Variants in SETD4 observed in about 807,000 individuals in gnomAD.
SETD4 encodes the protein SET domain-containing protein 4.
SETD4 carries 46 observed loss-of-function variants against 58.3 expected under a neutral mutation model. That is an observed-to-expected ratio of 0.79 (90% CI 0.62 to 1.01). The LOEUF is 1.01. SETD4 is among the 50% of genes least tolerant of loss of function. The pLI, the probability that SETD4 is intolerant of heterozygous loss-of-function variation, is 0.00. For missense variants in SETD4, 490 were observed against 523.3 expected (o/e 0.94, Z 0.62); for synonymous variants, 190 against 202.6 (o/e 0.94, Z 0.53).
At position 36,036,193 on chromosome 21, in the gene SETD4, G is replaced by C. The variant is rs76492178; in HGVS notation, c.1247C>G (p.Ser416Cys). The C allele has an allele frequency of 8.8e-3, 14,264 of 1,613,660 alleles. 91 individuals carry two copies. Among genetic ancestry groups the C allele is most frequent in the Non-Finnish European group, 0.01 (12,184 of 1,179,904 alleles). ...AATCTTTAGCTCTTCCGTCCACAAGGATTCCACCAAAGTTAGTTGGTTTAT... is the reference window on the plus strand; with the variant it reads ...AATCTTTAGCTCTTCCGTCCACAAGCATTCCACCAAAGTTAGTTGGTTTAT... Reference protein sequence around the residue: ...ALINQLTLVESLWTEELKILR... With the variant: ...ALINQLTLVECLWTEELKILR... Residue 416 changes from serine to cysteine, a missense_variant, in exon 11 of 12, where the codon TCC becomes TGC. Coordinates refer to ENST00000332131, the MANE Select transcript of SETD4 (RefSeq NM_017438.5).
intron 1 of SETD4, chr21:36,059,765 A>T: frequency 2.0e-6 from 2 of 985,478 alleles, no homozygotes; most frequent in Non-Finnish European, 2.4e-6. Flanking sequence ...AGCAAGAGAC[A>T]AGAACTCCAG....
rs376112681 is a variant in SETD4 at position 36,052,548 on chromosome 21, ACT to A, written c.207+1033_207+1034del. On this transcript the variant is annotated intron_variant, in intron 4 of 11. Coordinates refer to ENST00000332131, the MANE Select transcript of SETD4 (RefSeq NM_017438.5). The stretch of plus-strand genomic sequence containing the variant: ...ACTCCAGCCTGGGCAACAGAGCAAG[ACT>A]CTGTCTCAAAAAAAAAAAAAAAAAA... Among the ~76,000 whole-genome samples the A allele has an allele frequency of 3.8e-3, 542 of 142,696 alleles. 4 individuals carry two copies. Among genetic ancestry groups the A allele is most frequent in the African/African-American group, 0.013 (506 of 38,512 alleles). 93.6% of individuals were successfully genotyped at this position (142,696 alleles called of 152,430 possible).
At chr21:36,057,342 G>A (rs746135360) in intron 2 of SETD4, 138 bp from the exon 3 acceptor site, 2 of 769,648 alleles carry the variant, frequency 2.6e-6, no homozygotes, top group African/African-American at 3.5e-5. Flanking sequence ...ACATAGAAAA[G>A]TTACAATAAA....
chr21:36,047,371 C>T (rs73370446), intron 5 of SETD4, among the ~76,000 whole-genome samples: 24 of 152,276 alleles, frequency 1.6e-4, no homozygotes, highest in African/African-American at 5.8e-4. Flanking sequence ...CCCAGCAGAA[C>T]GTGTGCCAGA....
intron 4 of SETD4, chr21:36,051,184 C>T: frequency 1.2e-6 from 2 of 1,600,694 alleles, no homozygotes; most frequent in Non-Finnish European, 1.7e-6. Context: ...TCTGTGGTGT[C>T]CACTGCCAGT....
At chr21:36,039,061 C>T (rs2063918252) in intron 9 of SETD4, among the ~76,000 whole-genome samples, 1 of 152,024 alleles carries the variant, frequency 6.6e-6, no homozygotes, top group Non-Finnish European at 1.5e-5. Context: ...TTCAGAACAG[C>T]TGGCAAGACA....
chr21:36,050,874 T>A, intron 4 of SETD4: 1 of 1,611,056 alleles, frequency 6.2e-7, no homozygotes, highest in South Asian at 1.1e-5. Context: ...CATGTTACAT[T>A]GTTCAACAGA....
intron 3 of SETD4, among the ~76,000 whole-genome samples, chr21:36,054,504 G>C (rs1265350981): frequency 6.6e-6 from 1 of 152,204 alleles, no homozygotes; most frequent in Non-Finnish European, 1.5e-5. Context: ...GTCAGTGCAG[G>C]ACTACTGGGA....
intron 1 of SETD4, chr21:36,059,611 T>G: frequency 2.2e-6 from 1 of 452,710 alleles, no homozygotes; most frequent in Non-Finnish European, 2.9e-6. Context: ...TCGCTTGATC[T>G]CAGGAGGCGG....
chr21:36,058,890 C>T lies in SETD4; in HGVS notation c.-2G>A. On this transcript the variant is annotated 5_prime_UTR_variant, in exon 2 of 12. Coordinates refer to ENST00000332131, the MANE Select transcript of SETD4 (RefSeq NM_017438.5). Reference sequence around the variant, plus strand: ...TGTTCTCCCTTTTCCTTTCTGCATGCTAAAACTGTAGTTTCTTTTTTCTGA... The same window carrying T: ...TGTTCTCCCTTTTCCTTTCTGCATGTTAAAACTGTAGTTTCTTTTTTCTGA... The T allele has an allele frequency of 6.3e-7, 1 of 1,587,968 alleles. No homozygotes were observed. Among genetic ancestry groups the T allele is most frequent in the Non-Finnish European group, 8.5e-7 (1 of 1,171,066 alleles).
Position 36,058,901 on chromosome 21 carries a change from G to C in SETD4, c.-13C>G, listed in dbSNP as rs773135544. The C allele has an allele frequency of 3.2e-5, 51 of 1,572,894 alleles. No homozygotes were observed. The highest frequency in any genetic ancestry group is 4.0e-5 in the Admixed American group (2 of 50,356). On this transcript the variant is annotated 5_prime_UTR_variant, in exon 2 of 12. Transcript: ENST00000332131. ...TTCCTTTCTGCATGCTAAAACTGTA[G>C]TTTCTTTTTTCTGAAATACAGTTCT...
intron 1 of SETD4, chr21:36,059,540 C>G (rs979455851): frequency 5.9e-6 from 1 of 170,628 alleles, no homozygotes; most frequent in Non-Finnish European, 1.1e-5. Flanking sequence ...ATACAAAAAT[C>G]AGCCGGGCGT....
intron 3 of SETD4, 44 bp downstream of exon 3, chr21:36,057,065 C>A: frequency 6.6e-7 from 1 of 1,512,606 alleles, no homozygotes; most frequent in Non-Finnish European, 9.2e-7. Flanking sequence ...GTCTACCTGG[C>A]TCTCGTGTGG....
rs2063726733 is a variant in SETD4, at chr21:36,034,680, C to T, written c.*1313G>A. ...CAGGGGTCAGGAAACTATGGCCCAC[C>T]ACCTGTCGTTGTCAGTAGTTTCCCT... On this transcript the variant is annotated 3_prime_UTR_variant, in exon 12 of 12. Transcript: ENST00000332131. 6.6e-6 allele frequency: 1 copy of T among 152,110 alleles called. No individual in the cohort carries two copies. The highest frequency in any genetic ancestry group is 2.4e-5 in the African/African-American group (1 of 41,426). 9.4% of individuals were successfully genotyped at this position (152,110 alleles called of 1,614,324 possible). A position where few individuals can be genotyped will look rare whatever the true frequency, so the allele number is the denominator to read the frequency against.
At chr21:36,058,604 G>C (rs2123793863) in intron 2 of SETD4, among the ~76,000 whole-genome samples, 1 of 152,240 alleles carries the variant, frequency 6.6e-6, no homozygotes, top group East Asian at 1.9e-4. Flanking sequence ...TGTAGTCCCA[G>C]CTACTTGGGA....
At chr21:36,047,962 C>T (rs950295943) in intron 5 of SETD4, among the ~76,000 whole-genome samples, 21 of 150,810 alleles carry the variant, frequency 1.4e-4, no homozygotes, top group Non-Finnish European at 2.2e-4. Context: ...GCCAAGATCA[C>T]GACATTGCAC....
At position 36,040,658 on chromosome 21, in the gene SETD4, G is replaced by C; in HGVS notation, c.984-3C>G. 1 of 1,612,498 alleles carries C rather than the reference G, an allele frequency of 6.2e-7. No homozygotes were observed. On this transcript the variant is annotated splice_region_variant and splice_polypyrimidine_tract_variant and intron_variant, in intron 8 of 11. Transcript: ENST00000332131. ...CATCCCATCCAAATGTCAAATTTCT[G>C]AAGTAGAAAAACAAATAATGACAAA...
Position 36,056,405 on chromosome 21 carries a change from C to G in SETD4, c.169+704G>C, listed in dbSNP as rs561433304. On this transcript the variant is annotated intron_variant, in intron 3 of 11. Transcript: ENST00000332131. ...CACCACCACTATCTCTGTGCTACAG[C>G]AGACTCCAAATCCTTTTAAAGAGCA... Among the ~76,000 whole-genome samples, 142 of 152,178 alleles carry G rather than the reference C, an allele frequency of 9.3e-4. 1 individual carries two copies. Among genetic ancestry groups the G allele is most frequent in the Admixed American group, 2.0e-3 (30 of 15,284 alleles).
chr21:36,048,431 T>G (rs370570437), intron 4 of SETD4, 35 bp from the exon 5 acceptor site: 3 of 1,593,964 alleles, frequency 1.9e-6, no homozygotes, highest in Non-Finnish European at 2.6e-6. Context: ...AGGACGCCTA[T>G]GCTTTGGGAA....
Sources: allele counts gnomAD v4.1 joint callset (sites outside exome capture counted in the v4.1 genomes callset), GRCh38; gene constraint gnomAD v4.1.1; transcripts MANE v1.5; gene names NCBI Gene and HGNC (gene_info 2026-07-23, HGNC 2026-07-21).